Variants in CDON observed in about 807,000 individuals in gnomAD.
CDON encodes cell adhesion molecule-related/down-regulated by oncogenes.
Under a neutral mutation model 120.9 loss-of-function variants are expected in CDON, and 73 were observed. The observed-to-expected ratio is 0.60, with a 90% CI of 0.50 to 0.73. The LOEUF is 0.73. Ranked by LOEUF, CDON falls within the 30% of genes least tolerant of loss-of-function variation. The pLI is 0.00. For missense variants in CDON, 1,470 were observed against 1,587.3 expected, an observed-to-expected ratio of 0.93 and a Z score of 1.26; for synonymous variants, 566 against 573.5, an observed-to-expected ratio of 0.99 and a Z score of 0.19.
At position 125,981,963 on chromosome 11, in the gene CDON, C is replaced by CTTTTTT. The variant is rs1565501813; in HGVS notation, c.2996-635_2996-634insAAAAAA. ...GGAGTACCAAAGGCAAAAAGTGATT[C>CTTTTTT]TATTTTCTTTTTTTTTTTTTTTTTT... On this transcript the variant is annotated intron_variant, in intron 16 of 19. Coordinates refer to ENST00000531738, the MANE Select transcript of CDON (RefSeq NM_001378964.1). Among the ~76,000 whole-genome samples, 169 of 34,094 alleles carry CTTTTTT rather than the reference C, an allele frequency of 5.0e-3. 12 individuals are homozygous for CTTTTTT. The highest frequency in any genetic ancestry group is 0.018 in the Admixed American group (49 of 2,780). The allele number at this position is 34,094 out of a possible 152,430, so 22.4% of individuals were successfully genotyped here.
intron 1 of CDON, among the ~76,000 whole-genome samples, chr11:126,027,597 C>T (rs1947827337): frequency 6.6e-6 from 1 of 152,054 alleles, no homozygotes. Context: ...CAAAGTTTAC[C>T]ATAACTAAAC....
chr11:126,032,314 G>A (rs945275781), intron 1 of CDON, among the ~76,000 whole-genome samples: 1 of 151,902 alleles, frequency 6.6e-6, no homozygotes, highest in African/African-American at 2.4e-5. Context: ...GAGGAAGGGA[G>A]GAAGAGAAGG....
chr11:125,974,259 G>A (rs1946086635), intron 18 of CDON, among the ~76,000 whole-genome samples: 1 of 151,778 alleles, frequency 6.6e-6, no homozygotes, highest in Non-Finnish European at 1.5e-5. Context: ...ACGCAGGCAG[G>A]AGCAATGCCT....
At position 126,015,480 on chromosome 11, in the gene CDON, T is replaced by A. The variant is rs994484254; in HGVS notation, c.959A>T (p.Asp320Val). 6.2e-7 allele frequency: 1 copy of A among 1,613,972 alleles called. No homozygotes were observed. The highest frequency in any genetic ancestry group is 1.3e-5 in the African/African-American group (1 of 74,912). ...TGTGGCACCCAGAGACACTATCTGA[T>A]CCTGTAGTCCTTTAGAAATGGAAGC... ...EHASISKGLQ[D>V]QIVSLGATVH... The change falls in exon 7 of 20, where the codon GAT becomes GTT. Residue 320 changes from aspartate to valine, a missense_variant. Coordinates refer to ENST00000531738, the MANE Select transcript of CDON (RefSeq NM_001378964.1).
chr11:126,022,675 T>C (rs1331570552), intron 2 of CDON, among the ~76,000 whole-genome samples: 2 of 152,216 alleles, frequency 1.3e-5, no homozygotes, highest in Admixed American at 6.5e-5. Context: ...TGGCTGAATC[T>C]GGGGTGGTTG....
intron 18 of CDON, among the ~76,000 whole-genome samples, chr11:125,975,893 A>C (rs1350698706): frequency 6.6e-6 from 1 of 152,180 alleles, no homozygotes; most frequent in Non-Finnish European, 1.5e-5. Context: ...AGTGCTCAGT[A>C]AATGTTTGTT....
chr11:125,970,431 C>T (rs1945946359), intron 18 of CDON, among the ~76,000 whole-genome samples: 1 of 152,002 alleles, frequency 6.6e-6, no homozygotes, highest in African/African-American at 2.4e-5. Flanking sequence ...CTTCAGTCTC[C>T]CAAAGTGCTG....
intron 16 of CDON, among the ~76,000 whole-genome samples, chr11:125,983,588 C>T (rs1483144777): frequency 6.6e-6 from 1 of 152,146 alleles, no homozygotes; most frequent in Non-Finnish European, 1.5e-5. Context: ...CTTTGGTGGT[C>T]CAACAAAGCC....
At chr11:126,039,149 C>A (rs949031629) in intron 1 of CDON, among the ~76,000 whole-genome samples, 2 of 152,088 alleles carry the variant, frequency 1.3e-5, no homozygotes, top group East Asian at 3.9e-4. Flanking sequence ...GATACTGAGG[C>A]ATCACAAAAA....
chr11:126,032,663 G>A (rs1469277756), intron 1 of CDON, among the ~76,000 whole-genome samples: 1 of 152,056 alleles, frequency 6.6e-6, no homozygotes, highest in African/African-American at 2.4e-5. Flanking sequence ...AAATATCACG[G>A]GATAAATTTG....
chr11:126,047,395 C>A (rs1453038757), intron 1 of CDON, among the ~76,000 whole-genome samples: 3 of 152,194 alleles, frequency 2.0e-5, no homozygotes, highest in Non-Finnish European at 4.4e-5. Flanking sequence ...TCCTCACGAA[C>A]CCAAGCACAT....
chr11:126,024,959 C>T (rs1365275747), intron 1 of CDON, among the ~76,000 whole-genome samples: 1 of 152,060 alleles, frequency 6.6e-6, no homozygotes, highest in Non-Finnish European at 1.5e-5. Flanking sequence ...AATCCCAGCA[C>T]TTTGGGAAGC....
intron 10 of CDON, 57 bp downstream of exon 10, chr11:126,003,845 C>T (rs1363388497): frequency 7.0e-7 from 1 of 1,430,662 alleles, no homozygotes; most frequent in Non-Finnish European, 9.9e-7. Context: ...ATAATTCTCA[C>T]TAATAAATTG....
chr11:126,018,179 G>C, intron 5 of CDON, 151 bp downstream of exon 5: 1 of 778,306 alleles, frequency 1.3e-6, no homozygotes, highest in Non-Finnish European at 2.1e-6. Flanking sequence ...AGATCACAGG[G>C]GTGACCCACC....
intron 7 of CDON, among the ~76,000 whole-genome samples, chr11:126,011,667 A>C (rs886731798): frequency 2.6e-5 from 4 of 152,020 alleles, no homozygotes; most frequent in African/African-American, 9.7e-5. Context: ...TTCCTAATGT[A>C]CTGCTTTTCT....
chr11:125,975,423 T>C (rs1304927322), intron 18 of CDON, among the ~76,000 whole-genome samples: 1 of 137,624 alleles, frequency 7.3e-6, no homozygotes, highest in Non-Finnish European at 1.6e-5. Flanking sequence ...AAATAATATT[T>C]AATAGGACTA....
intron 4 of CDON, among the ~76,000 whole-genome samples, chr11:126,018,981 T>C (rs1947551032): frequency 6.6e-6 from 1 of 152,176 alleles, no homozygotes; most frequent in Non-Finnish European, 1.5e-5. Context: ...AGAACTAGCA[T>C]AGCAAACCAA....
At chr11:125,962,095 CAG>C (rs1467238261) in intron 18 of CDON, 97 bp from the exon 19 acceptor site, 6 of 944,458 alleles carry the variant, frequency 6.4e-6, no homozygotes, top group East Asian at 2.5e-5. Flanking sequence ...TCTGTATTCA[CAG>C]ACTCTTAAGA....
chr11:126,059,932 TAA>T (rs945960328), intron 1 of CDON, among the ~76,000 whole-genome samples: 1 of 141,132 alleles, frequency 7.1e-6, no homozygotes, highest in Non-Finnish European at 1.5e-5. Flanking sequence ...CTTGAAGGAT[TAA>T]AAAAAAAAAA....
Sources: gnomAD v4.1 joint callset for allele counts (sites outside exome capture counted in the v4.1 genomes callset) on GRCh38, gnomAD v4.1.1 for gene constraint, MANE v1.5 for transcripts, NCBI Gene and HGNC (gene_info 2026-07-23, HGNC 2026-07-21) for gene names.